The following UIMC1 variants were observed in gnomAD, a reference collection of about 807,000 sequenced individuals.
UIMC1 encodes the protein ubiquitin interaction motif containing 1.
Under a neutral mutation model 84.9 loss-of-function variants are expected in UIMC1, and 42 were observed. The ratio of observed to expected loss-of-function variants is 0.49; its 90% confidence interval spans 0.39 to 0.64. The LOEUF (loss-of-function observed/expected upper bound fraction) is 0.64. Ranked by LOEUF, UIMC1 falls within the 30% of genes least tolerant of loss-of-function variation. The pLI is 0.00. For missense variants in UIMC1, 825 were observed against 847.6 expected (o/e 0.97, Z 0.33); for synonymous variants, 281 against 293.0 (o/e 0.96, Z 0.42).
intron 6 of UIMC1, among the ~76,000 whole-genome samples, chr5:176,959,715 CAAA>C (rs1169116401): frequency 9.3e-5 from 5 of 53,922 alleles, no homozygotes; most frequent in African/African-American, 1.3e-4. Flanking sequence ...GACTCCGTCT[CAAA>C]AAAAAAAAAA....
intron 11 of UIMC1, among the ~76,000 whole-genome samples, 198 bp downstream of exon 11, chr5:176,911,112 GA>G (rs1760105639): frequency 8.5e-6 from 1 of 116,978 alleles, no homozygotes; most frequent in African/African-American, 3.2e-5. Flanking sequence ...GAGAGAGAGA[GA>G]AGAAAAGAAA....
intron 1 of UIMC1, among the ~76,000 whole-genome samples, chr5:177,000,353 T>A (rs907333085): frequency 6.6e-6 from 1 of 152,160 alleles, no homozygotes; most frequent in African/African-American, 2.4e-5. Flanking sequence ...TTACCCCACA[T>A]CCTTGCCAGC....
intron 10 of UIMC1, among the ~76,000 whole-genome samples, chr5:176,943,108 CT>C (rs1217678564): frequency 6.6e-6 from 1 of 152,020 alleles, no homozygotes; most frequent in East Asian, 1.9e-4. Context: ...AAATGAAAGA[CT>C]TTTCCCTTCC....
At chr5:176,917,219 T>G (rs1167513249) in intron 10 of UIMC1, among the ~76,000 whole-genome samples, 1 of 152,174 alleles carries the variant, frequency 6.6e-6, no homozygotes, top group Non-Finnish European at 1.5e-5. Context: ...GCAGCCATGC[T>G]CACTGCCTCC....
At chr5:176,997,010 C>A (rs192568932) in intron 1 of UIMC1, among the ~76,000 whole-genome samples, 2 of 152,148 alleles carry the variant, frequency 1.3e-5, no homozygotes, top group Non-Finnish European at 2.9e-5. Context: ...CCCTGCTCAG[C>A]GGGATCTATG....
At chr5:176,955,109 A>G (rs1321055370) in intron 8 of UIMC1, among the ~76,000 whole-genome samples, 2 of 152,232 alleles carry the variant, frequency 1.3e-5, no homozygotes, top group Admixed American at 1.3e-4. Flanking sequence ...CAAATTCCTT[A>G]GAAAGTAGTG....
In UIMC1 at chr5:176,943,452, T is replaced by C. The variant is rs765606890; in HGVS notation, c.1480A>G (p.Ile494Val). Residue 494 changes from isoleucine (I) to valine (V), a missense_variant, in exon 10 of 15, where the codon ATT (isoleucine) becomes GTT (valine). Coordinates refer to ENST00000511320, the MANE Select transcript of UIMC1 (RefSeq NM_001199298.2). ...NKEDAEKEVA[I>V]STFSSSNQVS... is the part of the protein sequence containing the mutation. ...TGGTTACTGGATGAGAAGGTAGAAA[T>C]AGCTACTTCCTTCTCAGCATCTTCC... 1.9e-6 allele frequency: 3 copies of C among 1,614,092 alleles called. No homozygotes were observed. The highest frequency in any genetic ancestry group is 1.3e-5 in the African/African-American group (1 of 75,034).
Position 176,908,676 on chromosome 5 carries a change from G to C in UIMC1, c.1695C>G (p.Leu565=), listed in dbSNP as rs145566798. ...CTCTAAATGGGACCAGGGATTTACA[G>C]AGGTAACACTTCTCATTCCTATCCA... The part of the protein sequence containing the change: ...LDIDKNEKCY[L]CKSLVPFREY... Residue 565 remains leucine, a synonymous_variant, in exon 12 of 15, where the codon CTC becomes CTG. Transcript: ENST00000511320. 165 of 1,613,614 alleles carry C rather than the reference G, an allele frequency of 1.0e-4. No homozygotes were observed. The African/African-American group carries it at 1.9e-3, about 19-fold the overall frequency.
chr5:177,001,619 AGAAC>A (rs1774467210), intron 1 of UIMC1: 3 of 152,228 alleles, frequency 2.0e-5, no homozygotes, highest in Admixed American at 2.0e-4. Flanking sequence ...CATGGGCCCC[AGAAC>A]AGTTTAAACA....
chr5:176,938,365 A>G (rs1464554816), intron 10 of UIMC1, among the ~76,000 whole-genome samples: 2 of 152,134 alleles, frequency 1.3e-5, no homozygotes, highest in Non-Finnish European at 2.9e-5. Context: ...TCTGGCAAGG[A>G]AGATGGGGCA....
At chr5:176,918,303 T>C (rs957704156) in intron 10 of UIMC1, among the ~76,000 whole-genome samples, 1 of 152,354 alleles carries the variant, frequency 6.6e-6, no homozygotes, top group African/African-American at 2.4e-5. Context: ...ACCCAAGATA[T>C]GATCCATCCA....
At chr5:176,969,728 C>G in intron 4 of UIMC1, 22 bp from the exon 5 acceptor site, 1 of 1,605,518 alleles carries the variant, frequency 6.2e-7, no homozygotes, top group Non-Finnish European at 8.5e-7. Context: ...GATCCCATAC[C>G]AGACCAGGTT....
intron 1 of UIMC1, among the ~76,000 whole-genome samples, chr5:176,991,628 C>A (rs1196218623): frequency 2.2e-5 from 2 of 89,250 alleles, no homozygotes; most frequent in Non-Finnish European, 2.0e-5. Context: ...GAAACTCCGT[C>A]TCAAAAAAAA....
chr5:176,958,313 A>G (rs1423026555), intron 6 of UIMC1, among the ~76,000 whole-genome samples, 159 bp from the exon 7 acceptor site: 7 of 152,260 alleles, frequency 4.6e-5, no homozygotes, highest in African/African-American at 1.7e-4. Flanking sequence ...AAACAAGCAC[A>G]TCCTGTAAAG....
At chr5:176,960,322 CTTCAT>C (rs1767188235) in intron 6 of UIMC1, among the ~76,000 whole-genome samples, 1 of 152,096 alleles carries the variant, frequency 6.6e-6, no homozygotes, top group Non-Finnish European at 1.5e-5. Flanking sequence ...CCAAGAACGT[CTTCAT>C]TTCAATACAT....
At chr5:176,980,367 ATTGGT>A (rs1770837371) in intron 2 of UIMC1, 1 of 151,886 alleles carries the variant, frequency 6.6e-6, no homozygotes, top group African/African-American at 2.4e-5. Context: ...CGCCTATCCT[ATTGGT>A]TCCATGTCTC....
upstream of UIMC1, among the ~76,000 whole-genome samples, chr5:177,010,931 G>A (rs1214998900): frequency 6.6e-6 from 1 of 152,088 alleles, no homozygotes; most frequent in Non-Finnish European, 1.5e-5. Context: ...GGTGACTTAT[G>A]CCTGTTATCC....
chr5:176,929,292 G>A (rs1469405788), intron 10 of UIMC1, among the ~76,000 whole-genome samples: 1 of 151,230 alleles, frequency 6.6e-6, no homozygotes, highest in Admixed American at 6.6e-5. Context: ...GGCTGGGTGC[G>A]GTGGCTCATG....
At chr5:177,003,013 C>A (rs897231515) in intron 1 of UIMC1, among the ~76,000 whole-genome samples, 1 of 151,888 alleles carries the variant, frequency 6.6e-6, no homozygotes, top group African/African-American at 2.4e-5. Context: ...ACAGGATACG[C>A]ACCTATAAAT....
Sources: allele counts gnomAD v4.1 joint callset (sites outside exome capture counted in the v4.1 genomes callset), GRCh38; gene constraint gnomAD v4.1.1; transcripts MANE v1.5; gene names NCBI Gene and HGNC (gene_info 2026-07-23, HGNC 2026-07-21).